Variants in GRM1 observed in about 807,000 individuals in gnomAD.
The protein encoded by GRM1 is metabotropic glutamate receptor 1.
GRM1 carries 33 observed loss-of-function variants against 90.9 expected under a neutral mutation model. That is an observed-to-expected ratio of 0.36 (90% CI 0.28 to 0.49). GRM1 has a LOEUF of 0.49. Among genes scored for constraint, GRM1 ranks in the 20% least tolerant of loss-of-function variants. The pLI is 0.99. For synonymous variants in GRM1, 700 were observed against 613.2 expected (o/e 1.14, Z -2.09); for missense variants, 1,190 against 1,534.3 (o/e 0.78, Z 3.75).
At chr6:146,212,529 AGCT>A (rs1367346076) in intron 2 of GRM1, among the ~76,000 whole-genome samples, 3 of 152,198 alleles carry the variant, frequency 2.0e-5, no homozygotes, top group Admixed American at 2.0e-4. Flanking sequence ...ATCAGCACAT[AGCT>A]GCTATTTGGA....
chr6:146,087,997 GC>G, intron 1 of GRM1, among the ~76,000 whole-genome samples: 1 of 152,192 alleles, frequency 6.6e-6, no homozygotes, highest in African/African-American at 2.4e-5. Flanking sequence ...TATATGTTTA[GC>G]TTTTTAAAGA....
At chr6:146,111,511 C>A (rs1188319548) in intron 1 of GRM1, among the ~76,000 whole-genome samples, 2 of 152,106 alleles carry the variant, frequency 1.3e-5, no homozygotes, top group Non-Finnish European at 2.9e-5. Flanking sequence ...ATAGTCACAG[C>A]AGAAAGAATC....
intron 1 of GRM1, among the ~76,000 whole-genome samples, chr6:146,072,668 G>T (rs1229227391): frequency 6.6e-6 from 1 of 152,012 alleles, no homozygotes; most frequent in Non-Finnish European, 1.5e-5. Context: ...GTTGAAATAT[G>T]GGGATTATTA....
intron 1 of GRM1, among the ~76,000 whole-genome samples, chr6:146,048,635 A>C (rs1216841035): frequency 2.6e-5 from 4 of 152,000 alleles, no homozygotes; most frequent in Non-Finnish European, 5.9e-5. Context: ...TAAATGGTAA[A>C]GTTAAAATGA....
chr6:146,221,863 T>A (rs968052197), intron 2 of GRM1, among the ~76,000 whole-genome samples: 32 of 152,166 alleles, frequency 2.1e-4, no homozygotes, highest in African/African-American at 7.7e-4. Context: ...AATAAGATAT[T>A]ACTTACAGAC....
chr6:146,103,193 T>C (rs925228480), intron 1 of GRM1, among the ~76,000 whole-genome samples: 3 of 152,234 alleles, frequency 2.0e-5, no homozygotes, highest in African/African-American at 4.8e-5. Flanking sequence ...TATAAGTATA[T>C]TTGACGGCAT....
chr6:146,388,935 A>G (rs926130355), intron 6 of GRM1, among the ~76,000 whole-genome samples: 1 of 152,056 alleles, frequency 6.6e-6, no homozygotes, highest in East Asian at 1.9e-4. Flanking sequence ...AGCATTCAAG[A>G]TTGTTTGTCA....
chr6:146,381,985 A>T (rs1175044831), intron 5 of GRM1, among the ~76,000 whole-genome samples: 4 of 152,152 alleles, frequency 2.6e-5, no homozygotes, highest in African/African-American at 9.7e-5. Flanking sequence ...AGTGTACATA[A>T]AGTGAATCAT....
At chr6:146,418,886 A>G (rs554886151) in intron 7 of GRM1, among the ~76,000 whole-genome samples, 1 of 152,172 alleles carries the variant, frequency 6.6e-6, no homozygotes, top group African/African-American at 2.4e-5. Flanking sequence ...TAATGTTCGC[A>G]TGAGAAATTC....
At chr6:146,214,711 T>G (rs9497487) in intron 2 of GRM1, among the ~76,000 whole-genome samples, 33,432 of 152,072 alleles carry the variant, frequency 0.22, 7,573 homozygotes, top group African/African-American at 0.58. Context: ...AATATAGGAA[T>G]AAATACTTCT....
intron 3 of GRM1, among the ~76,000 whole-genome samples, chr6:146,323,063 C>T (rs919039309): frequency 1.3e-5 from 2 of 152,094 alleles, no homozygotes; most frequent in South Asian, 2.1e-4. Flanking sequence ...TATAAACGTA[C>T]GTGTGCATGT....
chr6:146,126,455 T>C (rs1184128390), intron 1 of GRM1, among the ~76,000 whole-genome samples: 2 of 152,164 alleles, frequency 1.3e-5, no homozygotes, highest in Admixed American at 6.5e-5. Flanking sequence ...TAGCCAAGCC[T>C]TTAAAAATTA....
intron 7 of GRM1, among the ~76,000 whole-genome samples, chr6:146,417,510 T>C (rs888843883): frequency 2.0e-5 from 3 of 152,202 alleles, no homozygotes; most frequent in Non-Finnish European, 2.9e-5. Context: ...ACACTTGTAA[T>C]ACTATGAGAG....
chr6:146,048,595 T>G (rs1209775687), intron 1 of GRM1, among the ~76,000 whole-genome samples: 1 of 152,036 alleles, frequency 6.6e-6, no homozygotes, highest in Non-Finnish European at 1.5e-5. Context: ...TATGAGCTTA[T>G]TTGAAAATAC....
chr6:146,116,147 G>A (rs1775737474), intron 1 of GRM1, among the ~76,000 whole-genome samples: 1 of 152,054 alleles, frequency 6.6e-6, no homozygotes, highest in South Asian at 2.1e-4. Context: ...AGTAGAGACA[G>A]TGTTTAGCTA....
At chr6:146,349,044 C>CTGCTATTATTAT (rs373292241) in intron 3 of GRM1, among the ~76,000 whole-genome samples, 1 of 141,538 alleles carries the variant, frequency 7.1e-6, no homozygotes, top group Non-Finnish European at 1.5e-5. Context: ...GAAGTGGTAG[C>CTGCTATTATTAT]TATTATTATT....
At chr6:146,185,034 G>A (rs1373486204) in intron 2 of GRM1, among the ~76,000 whole-genome samples, 1 of 152,092 alleles carries the variant, frequency 6.6e-6, no homozygotes, top group Non-Finnish European at 1.5e-5. Context: ...GTCAACAAAA[G>A]GTCAGCTTAT....
At chr6:146,166,441 C>T (rs1453602997) in intron 2 of GRM1, among the ~76,000 whole-genome samples, 2 of 152,280 alleles carry the variant, frequency 1.3e-5, no homozygotes, top group Admixed American at 1.3e-4. Context: ...TCTACCATTT[C>T]AGCTCTGTTT....
At chr6:146,383,397 A>G (rs1776389390) in intron 5 of GRM1, among the ~76,000 whole-genome samples, 1 of 152,164 alleles carries the variant, frequency 6.6e-6, no homozygotes, top group South Asian at 2.1e-4. Context: ...GAAGTGACAT[A>G]CAATAATTCA....
Sources: gnomAD v4.1 joint callset for allele counts (sites outside exome capture counted in the v4.1 genomes callset) on GRCh38, gnomAD v4.1.1 for gene constraint, MANE v1.5 for transcripts, NCBI Gene and HGNC (gene_info 2026-07-23, HGNC 2026-07-21) for gene names.